Variants in NRG1 observed in about 807,000 individuals in gnomAD.
NRG1 encodes pro-neuregulin-1, membrane-bound isoform.
NRG1 carries 18 observed loss-of-function variants against 63.8 expected under a neutral mutation model. That is an observed-to-expected ratio of 0.28 (90% CI 0.19 to 0.42). The LOEUF (loss-of-function observed/expected upper bound fraction) is 0.42. Ranked by LOEUF, NRG1 falls within the 10% of genes least tolerant of loss-of-function variation. NRG1 has a pLI of 1.00. For synonymous variants in NRG1, 302 were observed against 301.3 expected, an observed-to-expected ratio of 1.00 and a Z score of -0.02; for missense variants, 762 against 814.7, an observed-to-expected ratio of 0.94 and a Z score of 0.79.
At chr8:31,856,110 G>A (rs1469692974) in intron 1 of NRG1, among the ~76,000 whole-genome samples, 6 of 151,856 alleles carry the variant, frequency 4.0e-5, no homozygotes, top group South Asian at 2.1e-4. Flanking sequence ...CTCTTCTGGA[G>A]GAGTATCTTT....
intron 1 of NRG1, chr8:32,442,634 TG>T (rs1475137780): frequency 6.6e-6 from 1 of 152,202 alleles, no homozygotes; most frequent in Non-Finnish European, 1.5e-5. Context: ...AGCCTGTGAT[TG>T]GGCCAAAAGT....
intron 1 of NRG1, among the ~76,000 whole-genome samples, chr8:31,918,177 A>C (rs1005538947): frequency 6.6e-6 from 1 of 152,110 alleles, no homozygotes; most frequent in African/African-American, 2.4e-5. Flanking sequence ...CTCTTTTCCT[A>C]ATTGAATACC....
intron 1 of NRG1, among the ~76,000 whole-genome samples, chr8:31,778,661 A>G (rs910311206): frequency 4.6e-5 from 7 of 152,234 alleles, no homozygotes; most frequent in African/African-American, 7.2e-5. Flanking sequence ...TAATGTGTAC[A>G]GATTTGACTA....
At chr8:32,412,469 T>TATATATATATATAC (rs71208180) in intron 1 of NRG1, among the ~76,000 whole-genome samples, 1 of 134,062 alleles carries the variant, frequency 7.5e-6, no homozygotes, top group Non-Finnish European at 1.7e-5. Flanking sequence ...TATATATATA[T>TATATATATATATAC]ATATATGAAC....
At chr8:31,994,798 G>C (rs187105962) in intron 1 of NRG1, among the ~76,000 whole-genome samples, 118 of 151,244 alleles carry the variant, frequency 7.8e-4, no homozygotes, top group Middle Eastern at 6.8e-3. Context: ...CAATTCTTTT[G>C]GGTAAAAAAA....
intron 1 of NRG1, among the ~76,000 whole-genome samples, chr8:32,480,341 G>T (rs1825093988): frequency 6.6e-6 from 1 of 151,522 alleles, no homozygotes; most frequent in Non-Finnish European, 1.5e-5. Context: ...AGGATCCAAA[G>T]TTTCAGTTAG....
intron 1 of NRG1, among the ~76,000 whole-genome samples, chr8:31,721,427 C>T (rs182570308): frequency 1.2e-4 from 18 of 152,220 alleles, no homozygotes; most frequent in Admixed American, 2.0e-4. Flanking sequence ...CTTATGCATA[C>T]ATTTAGGTAG....
chr8:32,126,361 A>G (rs149046323), intron 1 of NRG1, among the ~76,000 whole-genome samples: 139 of 152,000 alleles, frequency 9.1e-4, no homozygotes, highest in Middle Eastern at 3.4e-3. Flanking sequence ...ATAATGTCCA[A>G]TTGCTCTTGT....
At chr8:32,644,106 T>C (rs1364717867) in intron 5 of NRG1, among the ~76,000 whole-genome samples, 4 of 152,122 alleles carry the variant, frequency 2.6e-5, no homozygotes, top group African/African-American at 7.2e-5. Context: ...ATATGGACTG[T>C]ATGGGATTAG....
intron 1 of NRG1, among the ~76,000 whole-genome samples, chr8:32,313,041 T>C (rs987189059): frequency 1.2e-4 from 19 of 152,002 alleles, no homozygotes; most frequent in Non-Finnish European, 2.9e-5. Flanking sequence ...TAATCCCAGC[T>C]ACTCGGGAGG....
chr8:32,666,438 C>G (rs1804172191), intron 5 of NRG1, among the ~76,000 whole-genome samples: 1 of 152,044 alleles, frequency 6.6e-6, no homozygotes, highest in Non-Finnish European at 1.5e-5. Context: ...TTGAATTTTG[C>G]CTTTCATTTT....
chr8:32,183,579 A>T (rs1325215595), intron 1 of NRG1, among the ~76,000 whole-genome samples: 3 of 152,160 alleles, frequency 2.0e-5, no homozygotes, highest in Non-Finnish European at 4.4e-5. Flanking sequence ...TATTAACATC[A>T]CTAAATTTTC....
chr8:31,986,412 G>T (rs1006513413), intron 1 of NRG1, among the ~76,000 whole-genome samples: 1 of 151,942 alleles, frequency 6.6e-6, no homozygotes, highest in Non-Finnish European at 1.5e-5. Context: ...CTGAAATCTG[G>T]GTGTTATTAG....
chr8:32,512,571 C>T (rs1209189149), intron 1 of NRG1, among the ~76,000 whole-genome samples: 1 of 152,148 alleles, frequency 6.6e-6, no homozygotes, highest in Non-Finnish European at 1.5e-5. Flanking sequence ...TACATAACAA[C>T]CTTATATGGT....
At chr8:32,736,127 A>G (rs1324158851) in intron 6 of NRG1, among the ~76,000 whole-genome samples, 1 of 152,210 alleles carries the variant, frequency 6.6e-6, no homozygotes, top group African/African-American at 2.4e-5. Context: ...GATGTTAAAG[A>G]AGGCATTCCC....
chr8:31,931,912 A>T (rs1834897940), intron 1 of NRG1, among the ~76,000 whole-genome samples: 1 of 152,200 alleles, frequency 6.6e-6, no homozygotes, highest in Non-Finnish European at 1.5e-5. Context: ...GTGAAGGAGC[A>T]CTGCTCTAAA....
At chr8:32,394,901 T>C (rs1173998598) in intron 1 of NRG1, among the ~76,000 whole-genome samples, 1 of 152,200 alleles carries the variant, frequency 6.6e-6, no homozygotes, top group Non-Finnish European at 1.5e-5. Context: ...AGTCCTCATG[T>C]GGCACCTTTT....
chr8:32,375,668 A>T (rs1587189025), intron 1 of NRG1, among the ~76,000 whole-genome samples: 1 of 152,034 alleles, frequency 6.6e-6, no homozygotes, highest in African/African-American at 2.4e-5. Context: ...ATCTTCTAAA[A>T]CTCTTCCTTC....
At chr8:32,680,838 A>C (rs1808413949) in intron 5 of NRG1, among the ~76,000 whole-genome samples, 1 of 152,054 alleles carries the variant, frequency 6.6e-6, no homozygotes, top group South Asian at 2.1e-4. Context: ...TTGTACCCCA[A>C]GCATCCAGTA....
Sources: gnomAD v4.1 joint callset for allele counts (sites outside exome capture counted in the v4.1 genomes callset) on GRCh38, gnomAD v4.1.1 for gene constraint, MANE v1.5 for transcripts, NCBI Gene and HGNC (gene_info 2026-07-23, HGNC 2026-07-21) for gene names.